Variants in DCP1A observed in about 807,000 individuals in gnomAD.
DCP1A encodes decapping mRNA 1A.
DCP1A carries 20 observed loss-of-function variants against 58.0 expected under a neutral mutation model. The ratio of observed to expected loss-of-function variants is 0.34; its 90% confidence interval spans 0.24 to 0.50. The LOEUF is 0.50. Among genes scored for constraint, DCP1A ranks in the 20% least tolerant of loss-of-function variants. The pLI, the probability that DCP1A is intolerant of heterozygous loss-of-function variation, is 0.98. For missense variants in DCP1A, 613 were observed against 712.2 expected (o/e 0.86, Z 1.59); for synonymous variants, 285 against 275.1 (o/e 1.04, Z -0.36).
intron 8 of DCP1A, 37 bp downstream of exon 8, chr3:53,290,754 A>C (rs1288488356): frequency 2.0e-6 from 2 of 1,024,014 alleles, no homozygotes; most frequent in Non-Finnish European, 2.7e-6. Flanking sequence ...AGTCTTAAAA[A>C]AAAAAAAAAA....
chr3:53,303,015 C>A (rs1392647732), intron 6 of DCP1A, among the ~76,000 whole-genome samples: 4 of 152,110 alleles, frequency 2.6e-5, no homozygotes, highest in African/African-American at 9.7e-5. Context: ...GTGGTGTGAT[C>A]ATGGCTCACT....
At chr3:53,342,399 T>TA (rs1469276985) in intron 2 of DCP1A, 128 bp from the exon 3 acceptor site, 1 of 727,638 alleles carries the variant, frequency 1.4e-6, no homozygotes, top group East Asian at 2.8e-5. Context: ...TATCAGCACT[T>TA]ACATCTGTAA....
intron 3 of DCP1A, among the ~76,000 whole-genome samples, chr3:53,337,843 T>C (rs1285083521): frequency 1.3e-5 from 2 of 152,204 alleles, no homozygotes; most frequent in Non-Finnish European, 2.9e-5. Flanking sequence ...GCCATGTAAA[T>C]TCTAATATAT....
intron 3 of DCP1A, among the ~76,000 whole-genome samples, chr3:53,321,955 T>C (rs1162593994): frequency 6.6e-6 from 1 of 152,132 alleles, no homozygotes; most frequent in Non-Finnish European, 1.5e-5. Flanking sequence ...CCATACAATA[T>C]AGGAAATAGA....
Position 53,284,405 on chromosome 3 carries a change from TA to T in DCP1A, c.*3174del, listed in dbSNP as rs1157920437. The T allele has an allele frequency of 2.6e-5, 4 of 152,154 alleles. No individual in the cohort carries two copies. Among genetic ancestry groups the T allele is most frequent in the Admixed American group, 1.3e-4 (2 of 15,264 alleles). 9.4% of individuals were successfully genotyped at this position (152,154 alleles called of 1,614,324 possible). On this transcript the variant is annotated 3_prime_UTR_variant, in exon 10 of 10. Transcript: ENST00000610213. ...ACCTAGTAGTGGATTTGATAGGGTTTATATAATTTCTACAAGAAAACATAAG... is the reference window on the plus strand; with the variant it reads ...ACCTAGTAGTGGATTTGATAGGGTTTTATAATTTCTACAAGAAAACATAAG...
Position 53,292,105 on chromosome 3 carries a change from T to C in DCP1A, c.1347A>G (p.Ser449=), listed in dbSNP as rs1397718197. 1.9e-6 allele frequency: 3 copies of C among 1,613,266 alleles called. No individual in the cohort carries two copies. The highest frequency in any genetic ancestry group is 1.1e-5 in the South Asian group (1 of 91,060). ...SKTAAARVAA[S]ASLSNMVLAP... is the part of the protein sequence containing the mutation. ...CAAGCACCATGTTGCTCAGGGAGGC[T>C]GAGGCCGCCACTCTTGCTGCTGCTG... Residue 449 remains serine, a synonymous_variant, in exon 7 of 10, where the codon TCA becomes TCG. Transcript: ENST00000610213.
At chr3:53,323,817 G>A (rs12489358) in intron 3 of DCP1A, among the ~76,000 whole-genome samples, 4 of 141,362 alleles carry the variant, frequency 2.8e-5, no homozygotes, top group Admixed American at 2.3e-4. Context: ...AGCCGAGATC[G>A]CACCACTGCA....
chr3:53,317,508 G>C (rs1707848411), intron 4 of DCP1A, among the ~76,000 whole-genome samples: 2 of 152,148 alleles, frequency 1.3e-5, no homozygotes, highest in South Asian at 4.1e-4. Flanking sequence ...TGCCTTTGCT[G>C]TCACTTTCAA....
chr3:53,290,779 G>T lies in DCP1A; in HGVS notation c.1449+12C>A. 25 of 688,554 alleles carry T rather than the reference G, an allele frequency of 3.6e-5. No individual in the cohort carries two copies. Among genetic ancestry groups the T allele is most frequent in the Middle Eastern group, 3.2e-4 (1 of 3,164 alleles). 42.7% of individuals were successfully genotyped at this position (688,554 alleles called of 1,614,324 possible). Reference sequence around the variant, plus strand: ...AAAAAAAAAAAAAAAAAAAAAAAAAGCGAGTCCTTACCGGGATGGCACTGG... The same window carrying T: ...AAAAAAAAAAAAAAAAAAAAAAAAATCGAGTCCTTACCGGGATGGCACTGG... On this transcript the variant is annotated intron_variant, in intron 8 of 9. Coordinates refer to ENST00000610213, the MANE Select transcript of DCP1A (RefSeq NM_018403.7).
intron 5 of DCP1A, 96 bp downstream of exon 5, chr3:53,312,145 T>A: frequency 7.3e-7 from 1 of 1,377,852 alleles, no homozygotes; most frequent in Non-Finnish European, 9.8e-7. Flanking sequence ...CTGCCGTCCC[T>A]GGAGGCCAGC....
intron 2 of DCP1A, among the ~76,000 whole-genome samples, chr3:53,343,609 ATTAAT>A (rs782545396): frequency 1.9e-4 from 29 of 152,128 alleles, no homozygotes; most frequent in East Asian, 3.9e-4. Context: ...ATCCTTTCCT[ATTAAT>A]TTATTTATTT....
intron 4 of DCP1A, among the ~76,000 whole-genome samples, chr3:53,314,896 T>G (rs1412901204): frequency 1.3e-5 from 2 of 152,000 alleles, no homozygotes; most frequent in Non-Finnish European, 2.9e-5. Flanking sequence ...GGTCTTGAAC[T>G]CCTGACCTCA....
chr3:53,335,368 T>C (rs1438207120), intron 3 of DCP1A, among the ~76,000 whole-genome samples: 12 of 79,676 alleles, frequency 1.5e-4, no homozygotes, highest in Non-Finnish European at 3.8e-4. Context: ...CTCGAACTCC[T>C]GACCTCAAGT....
Position 53,287,479 on chromosome 3 carries a change from T to C in DCP1A, c.*101A>G. 1 of 734,156 alleles carries C rather than the reference T, an allele frequency of 1.4e-6. No homozygotes were observed. The highest frequency in any genetic ancestry group is 2.3e-6 in the Non-Finnish European group (1 of 432,170). The allele number at this position is 734,156 out of a possible 1,614,324, so 45.5% of individuals were successfully genotyped here. On this transcript the variant is annotated 3_prime_UTR_variant, in exon 10 of 10. Transcript: ENST00000610213. ...ATGAGTCTCTTTCTCATAGGCTCAATTTCAGGATTCTCAAACTCAATGTTC... is the reference window on the plus strand; with the variant it reads ...ATGAGTCTCTTTCTCATAGGCTCAACTTCAGGATTCTCAAACTCAATGTTC...
chr3:53,289,896 T>C (rs2279319), intron 8 of DCP1A, among the ~76,000 whole-genome samples: 59,740 of 152,004 alleles, frequency 0.39, 12,056 homozygotes, highest in South Asian at 0.47. Context: ...TTCAACGGTA[T>C]GGTTTTTGGC....
chr3:53,287,342 CTTTTTTTTTTT>C lies in DCP1A; in HGVS notation c.*227_*237del, dbSNP rs35716152. 158 of 166,782 alleles carry C rather than the reference CTTTTTTTTTTT, an allele frequency of 9.5e-4. No individual in the cohort carries two copies. The highest frequency in any genetic ancestry group is 3.7e-3 in the Admixed American group (32 of 8,734). 10.3% of individuals were successfully genotyped at this position (166,782 alleles called of 1,614,324 possible). On this transcript the variant is annotated 3_prime_UTR_variant, in exon 10 of 10. Coordinates refer to ENST00000610213, the MANE Select transcript of DCP1A (RefSeq NM_018403.7). ...CATAACTTAACACAATGATCGCTCT[CTTTTTTTTTTT>C]TTTTTTTTTTTTTTTTGTCAAAACA...
Position 53,284,451 on chromosome 3 carries a change from T to C in DCP1A, c.*3129A>G, listed in dbSNP as rs1479644243. The C allele has an allele frequency of 6.6e-6, 1 of 151,840 alleles. No homozygotes were observed. The highest frequency in any genetic ancestry group is 1.5e-5 in the Non-Finnish European group (1 of 68,016). The allele number at this position is 151,840 out of a possible 1,614,324, so 9.4% of individuals were successfully genotyped here. A position where few individuals can be genotyped will look rare whatever the true frequency, so the allele number is the denominator to read the frequency against. On this transcript the variant is annotated 3_prime_UTR_variant, in exon 10 of 10. Coordinates refer to ENST00000610213, the MANE Select transcript of DCP1A (RefSeq NM_018403.7). Reference sequence around the variant, plus strand: ...CATAAGCCAGGAAAAGGACAAATGCTTGACATGCAAAATCTGGTTAGACAT... The same window carrying C: ...CATAAGCCAGGAAAAGGACAAATGCCTGACATGCAAAATCTGGTTAGACAT...
rs1304091713 is a variant in DCP1A at position 53,316,095 on chromosome 3, T to C, written c.371+3312A>G. ...TTTTACTTGGAGGATCTTTATTATA[T>C]TGTGGCTGTCAAATAGTGATGGGAA... On this transcript the variant is annotated intron_variant, in intron 4 of 9. Transcript: ENST00000610213. 2.0e-5 allele frequency among the ~76,000 whole-genome samples: 3 copies of C among 152,248 alleles called. 1 individual carries two copies. In the Middle Eastern group the frequency reaches 0.01, roughly 518 times the overall value.
rs782760651 is a variant in DCP1A, at chr3:53,292,364, A to G, written c.1088T>C (p.Leu363Pro). ...SPLLNQPVPE[L>P]SHASLIANQS... is the part of the protein sequence containing the mutation. ...GTTGGCAATCAGACTGGCATGGCTT[A>G]GCTCAGGGACTGGCTGGTTCAGGAG... The change falls in exon 7 of 10, where the codon CTA becomes CCA. Residue 363 changes from leucine (L) to proline (P), a missense_variant. Leu to Pro is a moderately conservative substitution (Grantham distance 98). Coordinates refer to ENST00000610213, the MANE Select transcript of DCP1A (RefSeq NM_018403.7). 27 of 1,613,018 alleles carry G rather than the reference A, an allele frequency of 1.7e-5. No homozygotes were observed. The highest frequency in any genetic ancestry group is 2.7e-5 in the African/African-American group (2 of 74,866).
Sources: gnomAD v4.1 joint callset for allele counts (sites outside exome capture counted in the v4.1 genomes callset) on GRCh38, gnomAD v4.1.1 for gene constraint, MANE v1.5 for transcripts, NCBI Gene and HGNC (gene_info 2026-07-23, HGNC 2026-07-21) for gene names.